The following KAT6B variants were observed in gnomAD, a reference collection of about 807,000 sequenced individuals.
KAT6B encodes the protein histone acetyltransferase KAT6B.
Under a neutral mutation model 187.5 loss-of-function variants are expected in KAT6B, and 10 were observed. The ratio of observed to expected loss-of-function variants is 0.05; its 90% confidence interval spans 0.03 to 0.09. The LOEUF is 0.09. Ranked by LOEUF, KAT6B falls within the 10% of genes least tolerant of loss-of-function variation. The pLI is 1.00. For synonymous variants in KAT6B, 861 were observed against 926.8 expected, an observed-to-expected ratio of 0.93 and a Z score of 1.29; for missense variants, 1,952 against 2,558.9, an observed-to-expected ratio of 0.76 and a Z score of 5.12.
intron 3 of KAT6B, among the ~76,000 whole-genome samples, chr10:74,945,490 G>A (rs1839883257): frequency 6.6e-6 from 1 of 152,114 alleles, no homozygotes; most frequent in Admixed American, 6.5e-5. Flanking sequence ...TTGAGACGGA[G>A]TCTCACTCTG....
At position 75,021,133 on chromosome 10, in the gene KAT6B, A is replaced by G. The variant is rs1845377133; in HGVS notation, c.2869A>G (p.Ile957Val). The G allele has an allele frequency of 5.0e-6, 8 of 1,613,938 alleles. No homozygotes were observed. The highest frequency in any genetic ancestry group is 1.3e-5 in the African/African-American group (1 of 74,936). ...TGCCTTATCACATTACAGATTTGTC[A>G]TCATTAGACGGGAAAAGTTGATATT... The part of the protein sequence containing the change: ...MIDKRDGRFV[I>V]IRREKLILSH... The change falls in exon 15 of 18, where the codon ATC becomes GTC. Residue 957 changes from isoleucine to valine, a missense_variant. Physicochemically the swap from Ile to Val is conservative, Grantham distance 29. Coordinates refer to ENST00000287239, the MANE Select transcript of KAT6B (RefSeq NM_012330.4).
In KAT6B at chr10:74,923,886, C is replaced by T. The variant is rs144061379; in HGVS notation, c.622-36084C>T. Reference sequence around the variant, plus strand: ...TGCTGTGTTGAGAATAAGCTGTAGGCGGCACCAAGGTGGCAGCTGGGAGGG... The same window carrying T: ...TGCTGTGTTGAGAATAAGCTGTAGGTGGCACCAAGGTGGCAGCTGGGAGGG... On this transcript the variant is annotated intron_variant, in intron 3 of 17. Coordinates refer to ENST00000287239, the MANE Select transcript of KAT6B (RefSeq NM_012330.4). Among the ~76,000 whole-genome samples, 25 of 152,204 alleles carry T rather than the reference C, an allele frequency of 1.6e-4. No individual in the cohort carries two copies. The South Asian group carries it at 2.7e-3, about 16-fold the overall frequency.
chr10:74,873,503 C>G (rs1264591924), intron 3 of KAT6B, among the ~76,000 whole-genome samples: 1 of 151,800 alleles, frequency 6.6e-6, no homozygotes, highest in Middle Eastern at 3.4e-3. Flanking sequence ...TAAAGGTCAC[C>G]GAGGCTGCTG....
chr10:74,837,935 T>C (rs1841432988), intron 1 of KAT6B, among the ~76,000 whole-genome samples: 1 of 151,768 alleles, frequency 6.6e-6, no homozygotes, highest in Non-Finnish European at 1.5e-5. Context: ...ACTCTGTTGG[T>C]TGGTGTCAGA....
At chr10:74,907,944 T>C (rs967815275) in intron 3 of KAT6B, among the ~76,000 whole-genome samples, 13 of 152,160 alleles carry the variant, frequency 8.5e-5, no homozygotes, top group Non-Finnish European at 1.2e-4. Context: ...TGAAATGTAA[T>C]CCCCAATGTG....
chr10:74,940,037 C>T lies in KAT6B; in HGVS notation c.622-19933C>T, dbSNP rs151319647. The stretch of plus-strand genomic sequence containing the variant: ...TAAGGTGTTATTTGTGTGTGTGTGT[C>T]GGGGCTATTAATGAAAGTGTCTTAA... On this transcript the variant is annotated intron_variant, in intron 3 of 17. Transcript: ENST00000287239. Among the ~76,000 whole-genome samples the T allele has an allele frequency of 1.4e-3, 212 of 151,564 alleles. 3 individuals carry two copies. Among genetic ancestry groups the T allele is most frequent in the Middle Eastern group, 0.01 (3 of 294 alleles).
chr10:74,904,561 A>G (rs1846622853), intron 3 of KAT6B, among the ~76,000 whole-genome samples: 1 of 152,106 alleles, frequency 6.6e-6, no homozygotes, highest in African/African-American at 2.4e-5. Flanking sequence ...CAGGGGCCCA[A>G]ATCTTGAGGG....
chr10:74,828,629 G>T (rs1454091918), intron 1 of KAT6B, among the ~76,000 whole-genome samples: 3 of 144,268 alleles, frequency 2.1e-5, no homozygotes, highest in Middle Eastern at 7.5e-3. Flanking sequence ...GTGCAGTGGC[G>T]CCATCTCGGC....
chr10:74,992,596 G>T (rs1367614581), intron 13 of KAT6B, among the ~76,000 whole-genome samples: 1 of 152,198 alleles, frequency 6.6e-6, no homozygotes. Context: ...TAGTAAAGTT[G>T]AACCAAGTTG....
At chr10:74,919,735 C>T (rs776497009) in intron 3 of KAT6B, among the ~76,000 whole-genome samples, 2 of 152,150 alleles carry the variant, frequency 1.3e-5, no homozygotes, top group Non-Finnish European at 2.9e-5. Flanking sequence ...CATTTTCAGT[C>T]TCCAATTAAA....
chr10:74,945,649 C>T (rs1438758221), intron 3 of KAT6B, among the ~76,000 whole-genome samples: 1 of 152,034 alleles, frequency 6.6e-6, no homozygotes, highest in Admixed American at 6.6e-5. Flanking sequence ...GGGGTCTCAC[C>T]ATGTTTATCA....
intron 3 of KAT6B, among the ~76,000 whole-genome samples, chr10:74,952,490 G>T (rs1840382020): frequency 6.6e-6 from 1 of 152,188 alleles, no homozygotes; most frequent in Admixed American, 6.5e-5. Context: ...GGGAAAGCCA[G>T]AGAGTGAAGG....
At chr10:74,978,338 C>A (rs1349368181) in intron 9 of KAT6B, among the ~76,000 whole-genome samples, 1 of 152,110 alleles carries the variant, frequency 6.6e-6, no homozygotes, top group Non-Finnish European at 1.5e-5. Flanking sequence ...TGAACCAGCC[C>A]AGGTTGGAAA....
intron 7 of KAT6B, among the ~76,000 whole-genome samples, chr10:74,974,331 G>T (rs1030413107): frequency 6.6e-6 from 1 of 152,052 alleles, no homozygotes; most frequent in African/African-American, 2.4e-5. Context: ...ATATACTCTT[G>T]TATTTGTAAT....
intron 3 of KAT6B, among the ~76,000 whole-genome samples, chr10:74,893,993 A>G (rs1454779213): frequency 6.6e-6 from 1 of 152,262 alleles, no homozygotes; most frequent in African/African-American, 2.4e-5. Context: ...TTGATGTAAC[A>G]TACAGCTAAT....
intron 13 of KAT6B, among the ~76,000 whole-genome samples, chr10:75,008,924 G>C (rs908178202): frequency 3.9e-5 from 6 of 152,132 alleles, no homozygotes; most frequent in Non-Finnish European, 7.3e-5. Context: ...CTGTGGAAGG[G>C]TTAAAACCAA....
intron 3 of KAT6B, among the ~76,000 whole-genome samples, chr10:74,883,336 G>T (rs1176178612): frequency 2.0e-5 from 3 of 152,162 alleles, no homozygotes; most frequent in Non-Finnish European, 2.9e-5. Context: ...ATGACAAACA[G>T]CTCTTCTGGG....
chr10:75,019,846 TA>T (rs1314095131), intron 13 of KAT6B, among the ~76,000 whole-genome samples: 1 of 151,988 alleles, frequency 6.6e-6, no homozygotes, highest in Non-Finnish European at 1.5e-5. Context: ...TTCAAAAGCT[TA>T]AGATGCTGGG....
intron 13 of KAT6B, among the ~76,000 whole-genome samples, chr10:75,013,022 G>A (rs1462692107): frequency 1.3e-5 from 2 of 152,044 alleles, no homozygotes; most frequent in Non-Finnish European, 2.9e-5. Context: ...TCTAAGAGTG[G>A]GGCTTAGAGT....
Sources: allele counts gnomAD v4.1 joint callset (sites outside exome capture counted in the v4.1 genomes callset), GRCh38; gene constraint gnomAD v4.1.1; transcripts MANE v1.5; gene names NCBI Gene and HGNC (gene_info 2026-07-23, HGNC 2026-07-21).